The following FBXO16 variants were observed in gnomAD, a reference collection of about 807,000 sequenced individuals.
FBXO16 encodes F-box only protein 16.
In FBXO16, 31 loss-of-function variants were observed where a neutral mutation model predicts 41.0. The observed-to-expected ratio is 0.76, with a 90% confidence interval of 0.57 to 1.02. The LOEUF is 1.02. Ranked by LOEUF, FBXO16 falls within the 50% of genes least tolerant of loss-of-function variation. The pLI is 0.00. For missense variants in FBXO16, 361 were observed against 346.2 expected (o/e 1.04, Z -0.34); for synonymous variants, 133 against 117.8 (o/e 1.13, Z -0.84).
chr8:28,486,703 C>T (rs2130212902), intron 1 of FBXO16, among the ~76,000 whole-genome samples: 1 of 151,888 alleles, frequency 6.6e-6, no homozygotes, highest in Non-Finnish European at 1.5e-5. Flanking sequence ...GTGGTGCACG[C>T]CTGTGGTCCC....
intron 2 of FBXO16, among the ~76,000 whole-genome samples, chr8:28,477,103 G>A (rs964462425): frequency 4.1e-5 from 5 of 121,344 alleles, no homozygotes; most frequent in African/African-American, 1.4e-4. Flanking sequence ...TCCTGATGAC[G>A]CAGTTTTTTT....
chr8:28,461,877 C>CT (rs146553612), intron 4 of FBXO16, among the ~76,000 whole-genome samples: 6,376 of 151,974 alleles, frequency 0.042, 170 homozygotes, highest in African/African-American at 0.066. Context: ...TTTTATCTGT[C>CT]TTTTATCCTA....
chr8:28,435,193 G>A (rs932501421), intron 7 of FBXO16, among the ~76,000 whole-genome samples: 3 of 145,702 alleles, frequency 2.1e-5, no homozygotes, highest in South Asian at 2.2e-4. Context: ...TTTTTGAGAC[G>A]GAGTTTCACT....
intron 1 of FBXO16, among the ~76,000 whole-genome samples, chr8:28,488,293 CTTTTTTTTTTTTTT>C (rs10708340): frequency 1.0e-5 from 1 of 96,194 alleles, no homozygotes; most frequent in Non-Finnish European, 2.0e-5. Context: ...TCTTCTAAGC[CTTTTTTTTTTTTTT>C]TTTTTTTTTG....
chr8:28,428,442 T>C lies in FBXO16; in HGVS notation c.*285A>G. ...TGAATTCCTTTTTACTGAAATACCG[T>C]AGGACTCACTACCACAATAAGTACT... On this transcript the variant is annotated 3_prime_UTR_variant, in exon 9 of 9. Transcript: ENST00000380254. 1.1e-6 allele frequency: 1 copy of C among 897,450 alleles called. No individual in the cohort carries two copies. The highest frequency in any genetic ancestry group is 1.8e-5 in the South Asian group (1 of 54,520). 55.6% of individuals were successfully genotyped at this position (897,450 alleles called of 1,614,324 possible). A position where few individuals can be genotyped will look rare whatever the true frequency, so the allele number is the denominator to read the frequency against.
intron 7 of FBXO16, among the ~76,000 whole-genome samples, chr8:28,432,789 G>C (rs1458967448): frequency 6.6e-6 from 1 of 152,088 alleles, no homozygotes; most frequent in African/African-American, 2.4e-5. Flanking sequence ...AGGCATGGTG[G>C]CTCACGCCTG....
intron 7 of FBXO16, among the ~76,000 whole-genome samples, chr8:28,435,296 G>A (rs1802671738): frequency 1.3e-5 from 2 of 151,608 alleles, no homozygotes; most frequent in South Asian, 2.1e-4. Flanking sequence ...TCAGCCTCCC[G>A]AGTAGCTGGG....
intron 7 of FBXO16, among the ~76,000 whole-genome samples, chr8:28,438,669 GTT>G (rs1802719857): frequency 2.0e-5 from 3 of 152,178 alleles, no homozygotes; most frequent in African/African-American, 7.2e-5. Context: ...CGTTAGTCTT[GTT>G]ACTAACTCCA....
chr8:28,473,790 T>C lies in FBXO16; in HGVS notation c.117A>G (p.Arg39=). 1 of 1,604,392 alleles carries C rather than the reference T, an allele frequency of 6.2e-7. No homozygotes were observed. Among genetic ancestry groups the C allele is most frequent in the African/African-American group, 1.3e-5 (1 of 74,722 alleles). Residue 39 remains arginine (R), a synonymous_variant, in exon 3 of 9, where the codon AGA becomes AGG. Coordinates refer to ENST00000380254, the MANE Select transcript of FBXO16 (RefSeq NM_172366.4). ...TGTTTACCCATTTGCCAAGCAGGGC[T>C]CTTCTTTCTTCAAATACCTACAGTA... The part of the protein sequence containing the change: ...LLNDRVFEER[R]ALLGKWFDKW...
At position 28,480,375 on chromosome 8, in the gene FBXO16, G is replaced by C. The variant is rs145671969; in HGVS notation, c.99+2973C>G. ...GATGAGCCCATCTATTGAGTTTAGA[G>C]GGGCAGAGGGGCAAATCCAGGCTAA... On this transcript the variant is annotated intron_variant, in intron 2 of 8. Transcript: ENST00000380254. Among the ~76,000 whole-genome samples the C allele has an allele frequency of 2.2e-3, 332 of 152,288 alleles. 1 individual carries two copies. Among genetic ancestry groups the C allele is most frequent in the African/African-American group, 7.7e-3 (322 of 41,556 alleles).
chr8:28,432,045 C>T lies in FBXO16; in HGVS notation c.844-2642G>A, dbSNP rs141193631. On this transcript the variant is annotated intron_variant, in intron 7 of 8. Transcript: ENST00000380254. ...GACATAAAACGCAAATGTACTGTCCCCCTTTCCTTTTTCACACAACTGGCA... is the reference window on the plus strand; with the variant it reads ...GACATAAAACGCAAATGTACTGTCCTCCTTTCCTTTTTCACACAACTGGCA... Among the ~76,000 whole-genome samples the T allele has an allele frequency of 6.6e-3, 998 of 152,134 alleles. 6 individuals carry two copies. The highest frequency in any genetic ancestry group is 9.9e-3 in the Non-Finnish European group (670 of 67,994).
At chr8:28,471,433 T>C (rs935827996) in intron 3 of FBXO16, among the ~76,000 whole-genome samples, 5 of 148,898 alleles carry the variant, frequency 3.4e-5, no homozygotes, top group Non-Finnish European at 7.4e-5. Context: ...CTTCCTTCCC[T>C]CCTTCCTTCC....
intron 1 of FBXO16, among the ~76,000 whole-genome samples, chr8:28,484,144 C>G (rs1205379117): frequency 6.6e-6 from 1 of 152,156 alleles, no homozygotes; most frequent in African/African-American, 2.4e-5. Context: ...AGAATCACTC[C>G]TAGCTAAGGA....
At position 28,460,233 on chromosome 8, in the gene FBXO16, A is replaced by AT. The variant is rs1373417815; in HGVS notation, c.343-3304dup. Among the ~76,000 whole-genome samples the AT allele has an allele frequency of 3.2e-5, 3 of 92,546 alleles. No individual in the cohort carries two copies. The South Asian group carries it at 1.1e-3, about 33-fold the overall frequency. The allele number at this position is 92,546 out of a possible 152,430, so 60.7% of individuals were successfully genotyped here. On this transcript the variant is annotated intron_variant, in intron 4 of 8. Transcript: ENST00000380254. ...CAAATATATATGTGTGTGTATATAT[A>AT]TATATATATATATTTTTTTTTTTTT...
chr8:28,429,800 C>T (rs1026954269), intron 7 of FBXO16, among the ~76,000 whole-genome samples: 1 of 152,210 alleles, frequency 6.6e-6, no homozygotes, highest in African/African-American at 2.4e-5. Context: ...AACGTGCTCC[C>T]TCTCATTCCA....
chr8:28,476,591 A>T (rs573175039), intron 2 of FBXO16, among the ~76,000 whole-genome samples: 28 of 152,326 alleles, frequency 1.8e-4, no homozygotes, highest in Admixed American at 1.8e-3. Flanking sequence ...TTCTTGCAAG[A>T]TGCTGCAGTC....
chr8:28,429,759 G>A (rs566062634), intron 7 of FBXO16, among the ~76,000 whole-genome samples: 15 of 152,236 alleles, frequency 9.9e-5, no homozygotes, highest in African/African-American at 2.9e-4. Context: ...GATATCCGCC[G>A]ATGACAGCTC....
intron 8 of FBXO16, 135 bp downstream of exon 8, chr8:28,429,243 A>T: frequency 1.1e-6 from 1 of 946,350 alleles, no homozygotes; most frequent in Non-Finnish European, 1.6e-6. Flanking sequence ...TCTGCCTCCC[A>T]AAGTGCTGAG....
At chr8:28,479,500 C>A (rs7012087) in intron 2 of FBXO16, among the ~76,000 whole-genome samples, 4,383 of 152,234 alleles carry the variant, frequency 0.029, 222 homozygotes, top group African/African-American at 0.098. Context: ...AAGAAAATTT[C>A]TGAAAATCAA....
Sources: gnomAD v4.1 joint callset for allele counts (sites outside exome capture counted in the v4.1 genomes callset) on GRCh38, gnomAD v4.1.1 for gene constraint, MANE v1.5 for transcripts, NCBI Gene and HGNC (gene_info 2026-07-23, HGNC 2026-07-21) for gene names.